CDH10: variants seen among roughly 807,000 people sequenced by gnomAD.
The protein encoded by CDH10 is cadherin 10, also known as cadherin-10.
Under a neutral mutation model 73.1 loss-of-function variants are expected in CDH10, and 30 were observed. That is an observed-to-expected ratio of 0.41 (90% CI 0.31 to 0.56). The LOEUF (loss-of-function observed/expected upper bound fraction) is 0.56, where lower values mean the gene tolerates loss of function less well. Among genes scored for constraint, CDH10 ranks in the 20% least tolerant of loss-of-function variants. The pLI is 0.27. For missense variants in CDH10, 815 were observed against 973.7 expected, an observed-to-expected ratio of 0.84 and a Z score of 2.17; for synonymous variants, 345 against 348.2, an observed-to-expected ratio of 0.99 and a Z score of 0.10.
intron 5 of CDH10, among the ~76,000 whole-genome samples, chr5:24,526,859 G>A (rs1210152065): frequency 1.3e-5 from 2 of 151,578 alleles, no homozygotes; most frequent in Non-Finnish European, 3.0e-5. Context: ...TGCTAACAAC[G>A]TCTTATCTCA....
chr5:24,533,818 T>A (rs1743837289), intron 5 of CDH10, among the ~76,000 whole-genome samples: 1 of 152,024 alleles, frequency 6.6e-6, no homozygotes, highest in Non-Finnish European at 1.5e-5. Context: ...GAAACCTAAT[T>A]AATTGAAAAA....
intron 5 of CDH10, among the ~76,000 whole-genome samples, chr5:24,533,951 G>A (rs751226004): frequency 3.9e-5 from 6 of 151,998 alleles, no homozygotes; most frequent in Non-Finnish European, 7.4e-5. Flanking sequence ...TGATTAGTGT[G>A]CTCAAGAAAA....
chr5:24,555,721 T>G (rs977584281), intron 2 of CDH10, among the ~76,000 whole-genome samples: 2 of 152,050 alleles, frequency 1.3e-5, no homozygotes, highest in African/African-American at 4.8e-5. Flanking sequence ...CACTTGGGAG[T>G]GAGCTATTTT....
intron 1 of CDH10, among the ~76,000 whole-genome samples, chr5:24,642,301 G>A (rs1461783212): frequency 6.6e-6 from 1 of 152,028 alleles, no homozygotes; most frequent in Non-Finnish European, 1.5e-5. Flanking sequence ...AGAGACATAG[G>A]AAATCAGTCA....
intron 1 of CDH10, among the ~76,000 whole-genome samples, chr5:24,642,469 GA>G (rs774975703): frequency 1.3e-5 from 2 of 151,452 alleles, no homozygotes; most frequent in Admixed American, 1.3e-4. Context: ...TTTTCAACAA[GA>G]AAAAAAACAT....
At chr5:24,557,203 T>TA (rs5866671) in intron 2 of CDH10, among the ~76,000 whole-genome samples, 115,734 of 151,368 alleles carry the variant, frequency 0.76, 44,609 homozygotes, top group East Asian at 0.9. Flanking sequence ...CAGTTTTTTT[T>TA]AATTACTTAC....
intron 1 of CDH10, among the ~76,000 whole-genome samples, chr5:24,625,177 T>TA (rs575048139): frequency 2.1e-4 from 32 of 152,092 alleles, no homozygotes; most frequent in Middle Eastern, 6.3e-3. Context: ...AAGGTTTAGA[T>TA]AAAAAACATG....
At chr5:24,494,828 C>G (rs1217771312) in intron 9 of CDH10, among the ~76,000 whole-genome samples, 1 of 152,034 alleles carries the variant, frequency 6.6e-6, no homozygotes, top group African/African-American at 2.4e-5. Context: ...AAGCCAAACT[C>G]ATAGAGATGA....
In CDH10 at chr5:24,487,498, T is replaced by A. The variant is rs1741882444; in HGVS notation, c.*165A>T. 2 of 641,206 alleles carry A rather than the reference T, an allele frequency of 3.1e-6. No individual in the cohort carries two copies. Among genetic ancestry groups the A allele is most frequent in the Non-Finnish European group, 5.5e-6 (2 of 365,370 alleles). The allele number at this position is 641,206 out of a possible 1,614,324, so 39.7% of individuals were successfully genotyped here. On this transcript the variant is annotated 3_prime_UTR_variant, in exon 12 of 12. Transcript: ENST00000264463. ...AATGTCATATATATTCCATGAGACA[T>A]CCTACAGGAAAGAATTAATGTAATT...
chr5:24,558,733 A>G (rs955168910), intron 2 of CDH10, among the ~76,000 whole-genome samples: 4 of 151,790 alleles, frequency 2.6e-5, no homozygotes, highest in African/African-American at 9.7e-5. Flanking sequence ...TGTAAGATAC[A>G]TCTATATTAT....
Position 24,505,241 on chromosome 5 carries a change from A to G in CDH10, c.1264T>C (p.Leu422=), listed in dbSNP as rs555555015. 2.4e-5 allele frequency: 39 copies of G among 1,612,868 alleles called. No individual in the cohort carries two copies. The highest frequency in any genetic ancestry group is 3.1e-5 in the Non-Finnish European group (37 of 1,179,378). The change falls in exon 8 of 12, where the codon TTG becomes CTG. Residue 422 remains leucine, a synonymous_variant. Coordinates refer to ENST00000264463, the MANE Select transcript of CDH10 (RefSeq NM_006727.5). The part of the protein sequence containing the change: ...DSISSPIRFS[L]DRHTDLDRIF... ...CTGTCAAGGTCAGTATGGCGATCCA[A>G]GGAAAATCTGAACATGGAGGGCAAG...
intron 5 of CDH10, among the ~76,000 whole-genome samples, chr5:24,519,739 G>T (rs6884789): frequency 0.48 from 73,579 of 152,018 alleles, 17,907 homozygotes; most frequent in East Asian, 0.58. Context: ...CTATTATGTA[G>T]AATTGATGGA....
chr5:24,604,161 C>T (rs1301368529), intron 1 of CDH10, among the ~76,000 whole-genome samples: 1 of 152,166 alleles, frequency 6.6e-6, no homozygotes, highest in East Asian at 1.9e-4. Flanking sequence ...CCAGCCTGTG[C>T]AACATAGTGA....
rs1453322652 is a variant in CDH10 at position 24,604,871 on chromosome 5, T to TCAAAAAAAAAAAAAAAAAAAAA, written c.-123-11259_-123-11258insTTTTTTTTTTTTTTTTTTTTTG. 2.6e-5 allele frequency among the ~76,000 whole-genome samples: 3 copies of TCAAAAAAAAAAAAAAAAAAAAA among 116,350 alleles called. 1 individual carries two copies. Among genetic ancestry groups the TCAAAAAAAAAAAAAAAAAAAAA allele is most frequent in the African/African-American group, 1.3e-4 (3 of 22,320 alleles). 76.3% of individuals were successfully genotyped at this position (116,350 alleles called of 152,430 possible). ...CTGGGGAACAAGAGCAAGATGTCTCTAAAAAAAAAAAAAAAAAAAAAAAAC... is the reference window on the plus strand; with the variant it reads ...CTGGGGAACAAGAGCAAGATGTCTCTCAAAAAAAAAAAAAAAAAAAAAAAAAAAAAAAAAAAAAAAAAAAAAC... On this transcript the variant is annotated intron_variant, in intron 1 of 11. Coordinates refer to ENST00000264463, the MANE Select transcript of CDH10 (RefSeq NM_006727.5).
intron 1 of CDH10, among the ~76,000 whole-genome samples, chr5:24,604,716 A>T (rs1746689400): frequency 6.6e-6 from 1 of 152,056 alleles, no homozygotes; most frequent in Non-Finnish European, 1.5e-5. Flanking sequence ...CTACTAAAAA[A>T]TACAAAAATT....
At chr5:24,547,144 T>C (rs1190072793) in intron 2 of CDH10, among the ~76,000 whole-genome samples, 2 of 152,236 alleles carry the variant, frequency 1.3e-5, no homozygotes, top group Admixed American at 1.3e-4. Flanking sequence ...TTTAGTGAAC[T>C]GCTAATAATA....
chr5:24,517,744 T>C (rs968924500), intron 5 of CDH10, among the ~76,000 whole-genome samples: 3 of 152,164 alleles, frequency 2.0e-5, no homozygotes, highest in Non-Finnish European at 2.9e-5. Context: ...AGTGAAAAGC[T>C]AAAAGTTTTT....
At chr5:24,605,095 T>C (rs532478873) in intron 1 of CDH10, among the ~76,000 whole-genome samples, 83 of 152,204 alleles carry the variant, frequency 5.5e-4, no homozygotes, top group African/African-American at 1.8e-3. Context: ...AAAATAAGCA[T>C]ATAAAGACTT....
intron 1 of CDH10, chr5:24,612,176 T>C (rs946751731): frequency 1.3e-5 from 2 of 152,190 alleles, no homozygotes; most frequent in Non-Finnish European, 2.9e-5. Flanking sequence ...GAATTCAATA[T>C]CATAGATATC....
Sources: gnomAD v4.1 joint callset for allele counts (sites outside exome capture counted in the v4.1 genomes callset) on GRCh38, gnomAD v4.1.1 for gene constraint, MANE v1.5 for transcripts, NCBI Gene and HGNC (gene_info 2026-07-23, HGNC 2026-07-21) for gene names.